CHCHD6: variants seen among roughly 807,000 people sequenced by gnomAD.
The protein encoded by CHCHD6 is coiled-coil-helix-coiled-coil-helix domain containing 6.
A neutral mutation model predicts 32.3 loss-of-function variants in CHCHD6; 28 were observed. That is an observed-to-expected ratio of 0.87 (90% CI 0.64 to 1.19). CHCHD6 has a LOEUF of 1.19. CHCHD6 is among the 50% of genes most tolerant of loss of function. The pLI, the probability that CHCHD6 is intolerant of heterozygous loss-of-function variation, is 0.00. For missense variants in CHCHD6, 333 were observed against 307.0 expected, an observed-to-expected ratio of 1.08 and a Z score of -0.63; for synonymous variants, 122 against 117.5, an observed-to-expected ratio of 1.04 and a Z score of -0.25.
rs555894139 is a variant in CHCHD6, at chr3:126,880,341, C to T, written c.495+27611C>T. The stretch of plus-strand genomic sequence containing the variant: ...GCAGCAGGACCGGCAGCTGCCAGGC[C>T]CACACATGCCTCGGGAGAAAGACCA... On this transcript the variant is annotated intron_variant, in intron 5 of 7. Transcript: ENST00000290913. Among the ~76,000 whole-genome samples the T allele has an allele frequency of 5.3e-5, 8 of 152,148 alleles. No homozygotes were observed. The East Asian group carries it at 1.4e-3, about 26-fold the overall frequency.
intron 4 of CHCHD6, among the ~76,000 whole-genome samples, chr3:126,843,844 T>C (rs1023906600): frequency 1.3e-5 from 2 of 152,230 alleles, no homozygotes; most frequent in East Asian, 1.9e-4. Flanking sequence ...TTTGGTACTT[T>C]TCAGTAGCTT....
At chr3:126,788,854 C>T (rs1463064792) in intron 4 of CHCHD6, among the ~76,000 whole-genome samples, 2 of 152,052 alleles carry the variant, frequency 1.3e-5, no homozygotes, top group Non-Finnish European at 2.9e-5. Context: ...TATTTCTTGC[C>T]TTCTGCTAGC....
At chr3:126,725,499 A>C (rs575428406) in intron 1 of CHCHD6, among the ~76,000 whole-genome samples, 5 of 152,360 alleles carry the variant, frequency 3.3e-5, no homozygotes, top group African/African-American at 1.2e-4. Flanking sequence ...TAAAGGCCCT[A>C]GAGTTTTCAG....
chr3:126,861,686 TGACCATCACCACCTCCCCCTCCAC>T (rs1941881425), intron 5 of CHCHD6, among the ~76,000 whole-genome samples: 3 of 19,094 alleles, frequency 1.6e-4, no homozygotes, highest in Non-Finnish European at 3.2e-4. Flanking sequence ...TTCCCCTCCA[TGACCATCACCACCTCCCCCTCCAC>T]GACCATCACC....
At chr3:126,721,702 C>T (rs1245037993) in intron 1 of CHCHD6, among the ~76,000 whole-genome samples, 1 of 140,772 alleles carries the variant, frequency 7.1e-6, no homozygotes, top group Non-Finnish European at 1.5e-5. Flanking sequence ...ATTTTCATCA[C>T]CCCCACCCCC....
At chr3:126,825,455 TTC>T (rs1481009098) in intron 4 of CHCHD6, among the ~76,000 whole-genome samples, 1 of 152,226 alleles carries the variant, frequency 6.6e-6, no homozygotes, top group Non-Finnish European at 1.5e-5. Context: ...CATTCAGATT[TTC>T]TCTTTTTCTT....
In CHCHD6 at chr3:126,801,898, C is replaced by T. The variant is rs563666154; in HGVS notation, c.412-50749C>T. Among the ~76,000 whole-genome samples the T allele has an allele frequency of 7.4e-4, 112 of 152,310 alleles. 2 individuals are homozygous for T. The highest frequency in any genetic ancestry group is 5.7e-4 in the Non-Finnish European group (39 of 68,034). On this transcript the variant is annotated intron_variant, in intron 4 of 7. Coordinates refer to ENST00000290913, the MANE Select transcript of CHCHD6 (RefSeq NM_032343.3). ...AGGAACGATCAGACAGCAGCATTCG[C>T]GGTTCATGAAAATCCACTGTTCTGC...
At chr3:126,811,853 A>G (rs1343241276) in intron 4 of CHCHD6, among the ~76,000 whole-genome samples, 2 of 152,216 alleles carry the variant, frequency 1.3e-5, no homozygotes, top group East Asian at 1.9e-4. Context: ...CAAGTAAGAC[A>G]GTGTGGCCCT....
At chr3:126,845,977 C>G (rs1941282562) in intron 4 of CHCHD6, among the ~76,000 whole-genome samples, 1 of 152,150 alleles carries the variant, frequency 6.6e-6, no homozygotes, top group Non-Finnish European at 1.5e-5. Flanking sequence ...ATGAATGACT[C>G]TGAGTAAGAA....
intron 1 of CHCHD6, among the ~76,000 whole-genome samples, chr3:126,708,239 G>T (rs1576320682): frequency 6.6e-6 from 1 of 152,224 alleles, no homozygotes; most frequent in Non-Finnish European, 1.5e-5. Flanking sequence ...CTTGTGAGGG[G>T]TCATTATCCC....
chr3:126,880,268 G>A (rs1048960059), intron 5 of CHCHD6, among the ~76,000 whole-genome samples: 4 of 152,168 alleles, frequency 2.6e-5, no homozygotes, highest in Non-Finnish European at 5.9e-5. Flanking sequence ...CTAGAGGGGA[G>A]GTTGGGACTG....
At chr3:126,806,767 T>C (rs1228150325) in intron 4 of CHCHD6, among the ~76,000 whole-genome samples, 3 of 152,040 alleles carry the variant, frequency 2.0e-5, no homozygotes, top group South Asian at 2.1e-4. Flanking sequence ...ATTGCGGCAC[T>C]ATTCCCAATA....
chr3:126,720,117 G>A (rs924764488), intron 1 of CHCHD6, among the ~76,000 whole-genome samples: 6 of 152,124 alleles, frequency 3.9e-5, no homozygotes, highest in Admixed American at 3.3e-4. Context: ...CCTGACCTCA[G>A]GTGATCCACC....
intron 5 of CHCHD6, among the ~76,000 whole-genome samples, chr3:126,901,336 G>A (rs1438079532): frequency 1.3e-5 from 2 of 152,158 alleles, no homozygotes; most frequent in Non-Finnish European, 2.9e-5. Context: ...CCCAGCAGTC[G>A]TCCTAAGTTT....
intron 6 of CHCHD6, among the ~76,000 whole-genome samples, chr3:126,950,263 G>A (rs756589792): frequency 1.4e-4 from 22 of 152,052 alleles, no homozygotes; most frequent in Non-Finnish European, 3.1e-4. Flanking sequence ...GGTAGTCAGA[G>A]GCAGAGATAA....
intron 5 of CHCHD6, among the ~76,000 whole-genome samples, chr3:126,868,640 A>T (rs2077422003): frequency 6.6e-6 from 1 of 152,158 alleles, no homozygotes; most frequent in Non-Finnish European, 1.5e-5. Flanking sequence ...GTAATGTTAT[A>T]ATATTTGCAA....
chr3:126,953,166 A>T, intron 6 of CHCHD6: 1 of 983,672 alleles, frequency 1.0e-6, no homozygotes, highest in Non-Finnish European at 1.2e-6. Flanking sequence ...AAAGTGACAA[A>T]GCCAGCGCCT....
intron 5 of CHCHD6, among the ~76,000 whole-genome samples, chr3:126,868,345 G>A (rs1048536099): frequency 2.6e-5 from 4 of 152,124 alleles, no homozygotes; most frequent in Non-Finnish European, 5.9e-5. Flanking sequence ...CAACAGGGGA[G>A]CCAGGCCCTC....
At chr3:126,731,187 A>C (rs1005071071) in intron 3 of CHCHD6, among the ~76,000 whole-genome samples, 4 of 151,924 alleles carry the variant, frequency 2.6e-5, no homozygotes, top group Admixed American at 2.6e-4. Flanking sequence ...GTGTGTGCAC[A>C]TGCAGGCATG....
Sources: allele counts gnomAD v4.1 joint callset (sites outside exome capture counted in the v4.1 genomes callset), GRCh38; gene constraint gnomAD v4.1.1; transcripts MANE v1.5; gene names NCBI Gene and HGNC (gene_info 2026-07-23, HGNC 2026-07-21).